EPS8: variants seen among roughly 807,000 people sequenced by gnomAD.
The protein encoded by EPS8 is EGFR pathway substrate 8, signaling adaptor, also known as epidermal growth factor receptor kinase substrate 8.
EPS8 carries 42 observed loss-of-function variants against 103.8 expected under a neutral mutation model. That is an observed-to-expected ratio of 0.40 (90% confidence interval 0.32 to 0.52). The LOEUF is 0.52. EPS8 is among the 20% of genes least tolerant of loss of function. The probability of loss-of-function intolerance (pLI) is 0.40; values close to 1 mark genes in which losing one functional copy is unlikely to be tolerated. For missense variants in EPS8, 969 were observed against 1,005.1 expected, an observed-to-expected ratio of 0.96 and a Z score of 0.49; for synonymous variants, 344 against 344.6, an observed-to-expected ratio of 1.00 and a Z score of 0.02.
chr12:15,710,962 G>A (rs992100702), intron 1 of EPS8, among the ~76,000 whole-genome samples: 4 of 152,084 alleles, frequency 2.6e-5, no homozygotes, highest in African/African-American at 9.7e-5. Flanking sequence ...TCAGTCTCCT[G>A]GGATCAAGCC....
intron 1 of EPS8, among the ~76,000 whole-genome samples, chr12:15,742,183 T>G (rs1946831682): frequency 6.6e-6 from 1 of 152,250 alleles, no homozygotes; most frequent in South Asian, 2.1e-4. Context: ...TATGTGTGCA[T>G]GTGTCTTTAT....
At chr12:15,756,559 AT>A (rs1038836230) in intron 1 of EPS8, among the ~76,000 whole-genome samples, 1 of 152,182 alleles carries the variant, frequency 6.6e-6, no homozygotes, top group African/African-American at 2.4e-5. Flanking sequence ...ATTAAAAAGC[AT>A]GGTTCATCTA....
intron 1 of EPS8, among the ~76,000 whole-genome samples, chr12:15,708,854 T>C (rs1403097515): frequency 6.6e-6 from 1 of 152,226 alleles, no homozygotes; most frequent in Non-Finnish European, 1.5e-5. Flanking sequence ...TTCAATTTCC[T>C]ATCAGTCCAA....
chr12:15,692,335 T>G (rs1220988807), intron 1 of EPS8, among the ~76,000 whole-genome samples: 2 of 150,732 alleles, frequency 1.3e-5, no homozygotes, highest in Admixed American at 1.3e-4. Context: ...TTTTTTTTTT[T>G]TTTTTTTTGC....
At position 15,778,010 on chromosome 12, in the gene EPS8, G is replaced by T. The variant is rs1947224134; in HGVS notation, c.-22+11151C>A. On this transcript the variant is annotated intron_variant, in intron 1 of 20. Transcript: ENST00000281172. The surrounding 1 kb of genome is among the most constrained non-coding windows in gnomAD (Gnocchi z 4.5). ...ATTAAAATAACATAGAAAGAAATAT[G>T]CTTTAAACAATTTATTCTGTAATTC... Among the ~76,000 whole-genome samples the T allele has an allele frequency of 6.6e-6, 1 of 152,000 alleles. No individual in the cohort carries two copies. The highest frequency in any genetic ancestry group is 1.5e-5 in the Non-Finnish European group (1 of 67,986).
In EPS8 at chr12:15,651,016, G is replaced by A; in HGVS notation, c.1251-10C>T. 3 of 1,607,594 alleles carry A rather than the reference G, an allele frequency of 1.9e-6. No homozygotes were observed. Among genetic ancestry groups the A allele is most frequent in the Non-Finnish European group, 2.5e-6 (3 of 1,176,686 alleles). ...TTTTGGCCACTCTGCTCTGCAGGAGGGAATGAAGGCATATAAACAATAAAA... is the reference window on the plus strand; with the variant it reads ...TTTTGGCCACTCTGCTCTGCAGGAGAGAATGAAGGCATATAAACAATAAAA... On this transcript the variant is annotated splice_polypyrimidine_tract_variant and intron_variant, in intron 13 of 20. Coordinates refer to ENST00000281172, the MANE Select transcript of EPS8 (RefSeq NM_004447.6).
chr12:15,630,200 T>TCACC (rs1321267543), intron 18 of EPS8, among the ~76,000 whole-genome samples: 1 of 75,978 alleles, frequency 1.3e-5, no homozygotes, highest in African/African-American at 3.3e-5. Context: ...TATCTCTCTC[T>TCACC]CACTCACACA....
chr12:15,671,596 A>G (rs929725052), intron 3 of EPS8: 1 of 152,160 alleles, frequency 6.6e-6, no homozygotes, highest in African/African-American at 2.4e-5. Flanking sequence ...AGAAACCTTT[A>G]ATTTTCTTTT....
At chr12:15,623,343 A>G in intron 19 of EPS8, 56 bp from the exon 20 acceptor site, 1 of 1,506,852 alleles carries the variant, frequency 6.6e-7, no homozygotes, top group Non-Finnish European at 9.0e-7. Context: ...CCTACAAACA[A>G]AGGAGAAAAT....
At chr12:15,653,442 G>A (rs187485749) in intron 13 of EPS8, among the ~76,000 whole-genome samples, 12 of 151,968 alleles carry the variant, frequency 7.9e-5, no homozygotes, top group African/African-American at 2.4e-4. Flanking sequence ...TCCGCCTCCC[G>A]CCCTTCCACA....
chr12:15,658,021 C>A, intron 12 of EPS8, 58 bp downstream of exon 12: 1 of 1,026,836 alleles, frequency 9.7e-7, no homozygotes, highest in Non-Finnish European at 1.5e-6. Context: ...TCCAGACAGA[C>A]ACTTGGGGTT....
chr12:15,670,880 T>C lies in EPS8; in HGVS notation c.180A>G (p.Ser60=), dbSNP rs200494481. Residue 60 remains serine (S), a synonymous_variant, in exon 4 of 21, where the codon TCA becomes TCG. Coordinates refer to ENST00000281172, the MANE Select transcript of EPS8 (RefSeq NM_004447.6). ...CTTCAACACGGTATTGAGATATATC[T>C]GACACACTGCTGACACTGTCCCGTG... ...NYARDSVSSV[S]DISQYRVEHL... 3.1e-5 allele frequency: 50 copies of C among 1,612,274 alleles called. No homozygotes were observed. The East Asian group carries it at 5.8e-4, about 19-fold the overall frequency.
chr12:15,709,115 T>G (rs1946427367), intron 1 of EPS8, among the ~76,000 whole-genome samples: 1 of 152,114 alleles, frequency 6.6e-6, no homozygotes, highest in Admixed American at 6.6e-5. Flanking sequence ...TTTTTTTCAG[T>G]AACCAAATAT....
At chr12:15,726,805 A>T (rs1460338306) in intron 1 of EPS8, among the ~76,000 whole-genome samples, 5 of 152,238 alleles carry the variant, frequency 3.3e-5, no homozygotes, top group Non-Finnish European at 7.3e-5. Context: ...TGTAGTGTGT[A>T]CTATATTAGG....
chr12:15,687,804 A>G (rs1181112177), intron 1 of EPS8, among the ~76,000 whole-genome samples: 1 of 152,184 alleles, frequency 6.6e-6, no homozygotes, highest in African/African-American at 2.4e-5. Flanking sequence ...ACTGGATGCT[A>G]TACTATACAT....
Position 15,717,463 on chromosome 12 carries a change from T to C in EPS8, c.-21-34491A>G, listed in dbSNP as rs1439584389. Among the ~76,000 whole-genome samples, 1 of 152,078 alleles carries C rather than the reference T, an allele frequency of 6.6e-6. No individual in the cohort carries two copies. The highest frequency in any genetic ancestry group is 6.6e-5 in the Admixed American group (1 of 15,262). On this transcript the variant is annotated intron_variant, in intron 1 of 20. Coordinates refer to ENST00000281172, the MANE Select transcript of EPS8 (RefSeq NM_004447.6). The surrounding 1 kb of genome is among the most constrained non-coding windows in gnomAD (Gnocchi z 4.3). The stretch of plus-strand genomic sequence containing the variant: ...TTAGCTGGGCGCGGTGGCACGTGCC[T>C]GTAATCCCAGCTACTTGGGAGGCTG...
rs1344596802 is a variant in EPS8 at position 15,637,411 on chromosome 12, T to C, written c.1821+3292A>G. ...GATCCAGAGTGCTGGGGCCCAATCC[T>C]GGCTTCATACAGCTGTATAAATCTG... On this transcript the variant is annotated intron_variant, in intron 17 of 20. Transcript: ENST00000281172. Among the ~76,000 whole-genome samples, 8 of 152,240 alleles carry C rather than the reference T, an allele frequency of 5.3e-5. 1 individual carries two copies. The highest frequency in any genetic ancestry group is 8.8e-5 in the Non-Finnish European group (6 of 68,032).
rs1208867405 is a variant in EPS8, at chr12:15,761,918, A to G, written c.-22+27243T>C. Among the ~76,000 whole-genome samples the G allele has an allele frequency of 6.6e-6, 1 of 152,186 alleles. No homozygotes were observed. Among genetic ancestry groups the G allele is most frequent in the Non-Finnish European group, 1.5e-5 (1 of 68,028 alleles). ...ATACCTCACGAGAACAGGCAACCAA[A>G]ACGAAAAGGGACAAATGGGATCATA... On this transcript the variant is annotated intron_variant, in intron 1 of 20. Transcript: ENST00000281172. The surrounding 1 kb of genome is among the most constrained non-coding windows in gnomAD (Gnocchi z 4.5).
intron 8 of EPS8, among the ~76,000 whole-genome samples, chr12:15,663,376 A>G (rs6488793): frequency 0.99 from 151,033 of 152,204 alleles, 74,950 homozygotes; most frequent in East Asian, 1. Flanking sequence ...TTCAACGGAG[A>G]AGCAGTTCAG....
Sources: gnomAD v4.1 joint callset for allele counts (sites outside exome capture counted in the v4.1 genomes callset) on GRCh38, gnomAD v4.1.1 for gene constraint, Gnocchi (gnomAD v3.1) non-coding constraint, MANE v1.5 for transcripts, NCBI Gene and HGNC (gene_info 2026-07-23, HGNC 2026-07-21) for gene names.